Variants in ZNF791 observed in about 807,000 individuals in gnomAD.
ZNF791 encodes the protein zinc finger protein 791.
Under a neutral mutation model 11.5 loss-of-function variants are expected in ZNF791, and 4 were observed. The ratio of observed to expected loss-of-function variants is 0.35; its 90% CI spans 0.17 to 0.80. ZNF791 has a LOEUF of 0.80. Among genes scored for constraint, ZNF791 ranks in the 30% least tolerant of loss-of-function variants. The pLI is 0.53. For synonymous variants in ZNF791, 212 were observed against 228.1 expected (o/e 0.93, Z 0.64); for missense variants, 559 against 699.4 (o/e 0.80, Z 2.26).
At position 12,631,775 on chromosome 19, in the gene ZNF791, C is replaced by G. The variant is rs1214804772; in HGVS notation, c.*2515C>G. 2 of 152,088 alleles carry G rather than the reference C, an allele frequency of 1.3e-5. No individual in the cohort carries two copies. The highest frequency in any genetic ancestry group is 4.8e-5 in the African/African-American group (2 of 41,434). The allele number at this position is 152,088 out of a possible 1,614,324, so 9.4% of individuals were successfully genotyped here. ...AAAAATTTTTTATCACTGGCTCATT[C>G]TTCAAGTACATCTCTGGACTATGAA... On this transcript the variant is annotated 3_prime_UTR_variant, in exon 4 of 4. Coordinates refer to ENST00000343325, the MANE Select transcript of ZNF791 (RefSeq NM_153358.3).
chr19:12,619,650 T>C (rs1276268986), intron 1 of ZNF791, among the ~76,000 whole-genome samples: 2 of 151,308 alleles, frequency 1.3e-5, no homozygotes, highest in Non-Finnish European at 2.9e-5. Flanking sequence ...GGGGTTTCAC[T>C]GTGTTAGCCA....
chr19:12,611,634 C>G (rs190189496), intron 1 of ZNF791, among the ~76,000 whole-genome samples: 133 of 152,270 alleles, frequency 8.7e-4, no homozygotes, highest in African/African-American at 3.2e-3. Context: ...CAATAGATGC[C>G]TCTTTTAAAC....
chr19:12,629,067 GAC>G lies in ZNF791; in HGVS notation c.1542_1543del (p.Met515GlufsTer10). ...TTTATTTATCCCACAAGCTTTCAAG[GAC>G]ACATGAGAATGCATACTGGAGAGAA... is the stretch of plus-strand genomic sequence containing the variant. On this transcript the variant is annotated frameshift_variant, in exon 4 of 4. Coordinates refer to ENST00000343325, the MANE Select transcript of ZNF791 (RefSeq NM_153358.3). LOFTEE classifies it low-confidence loss of function (END_TRUNC). 6.2e-7 allele frequency: 1 copy of G among 1,606,496 alleles called. No homozygotes were observed. Among genetic ancestry groups the G allele is most frequent in the Non-Finnish European group, 8.5e-7 (1 of 1,176,646 alleles).
At chr19:12,625,784 CAAAA>C (rs781019678) in intron 3 of ZNF791, among the ~76,000 whole-genome samples, 2 of 81,842 alleles carry the variant, frequency 2.4e-5, no homozygotes, top group Non-Finnish European at 5.1e-5. Context: ...GACTCCATCT[CAAAA>C]AAAAAAAAAA....
At chr19:12,619,948 G>A (rs2023312304) in intron 1 of ZNF791, among the ~76,000 whole-genome samples, 1 of 150,654 alleles carries the variant, frequency 6.6e-6, no homozygotes, top group African/African-American at 2.4e-5. Context: ...TTTTGAGACG[G>A]AGTCTCGCTC....
chr19:12,629,156 A>G lies in ZNF791; in HGVS notation c.1627A>G (p.Thr543Ala). The G allele has an allele frequency of 1.3e-6, 2 of 1,597,630 alleles. No individual in the cohort carries two copies. The change falls in exon 4 of 4, where the codon ACA (threonine) becomes GCA (alanine). Residue 543 changes from threonine to alanine, a missense_variant. Physicochemically the swap from Thr to Ala is moderately conservative, Grantham distance 58 (BLOSUM62 0). Transcript: ENST00000343325. ...TCTTCACAGTTCCTTTCAAAGACAT[A>G]CAAGAATTCACAATTATGAGAAACC... ...FSLHSSFQRH[T>A]RIHNYEKPLE...
intron 2 of ZNF791, among the ~76,000 whole-genome samples, chr19:12,624,258 T>C (rs2145191201): frequency 6.7e-6 from 1 of 149,650 alleles, no homozygotes; most frequent in South Asian, 2.1e-4. Flanking sequence ...GTTCAAGCAA[T>C]TCTCCTGCCT....
rs1156944678 is a variant in ZNF791, at chr19:12,629,548, T to A, written c.*288T>A. On this transcript the variant is annotated 3_prime_UTR_variant, in exon 4 of 4. Coordinates refer to ENST00000343325, the MANE Select transcript of ZNF791 (RefSeq NM_153358.3). ...GTGCAGCACATTATTTAAGTGTTTA[T>A]GGTGCTGGTGTAAACGTGCTGCACT... 1 of 218,488 alleles carries A rather than the reference T, an allele frequency of 4.6e-6. No individual in the cohort carries two copies. The highest frequency in any genetic ancestry group is 1.6e-4 in the South Asian group (1 of 6,378). 13.5% of individuals were successfully genotyped at this position (218,488 alleles called of 1,614,324 possible).
At position 12,627,746 on chromosome 19, in the gene ZNF791, G is replaced by A; in HGVS notation, c.217G>A (p.Glu73Lys). The part of the protein sequence containing the change: ...LRSHTGERLC[E>K]GKEGSQCAEN... ...AAGCCATACGGGAGAGAGACTCTGT[G>A]AAGGTAAAGAAGGTAGTCAATGTGC... The change falls in exon 4 of 4, where the codon GAA becomes AAA. Residue 73 changes from glutamate to lysine, a missense_variant. Coordinates refer to ENST00000343325, the MANE Select transcript of ZNF791 (RefSeq NM_153358.3). 6.2e-7 allele frequency: 1 copy of A among 1,613,264 alleles called. No homozygotes were observed. Among genetic ancestry groups the A allele is most frequent in the South Asian group, 1.1e-5 (1 of 91,054 alleles).
At chr19:12,624,216 G>A (rs141942419) in intron 2 of ZNF791, among the ~76,000 whole-genome samples, 35 of 137,404 alleles carry the variant, frequency 2.5e-4, no homozygotes, top group African/African-American at 8.3e-4. Context: ...GCAGTGGCGG[G>A]ATCTTGGCTC....
chr19:12,625,182 A>G (rs1287298391), intron 3 of ZNF791, among the ~76,000 whole-genome samples: 136 of 151,582 alleles, frequency 9.0e-4, no homozygotes, highest in Non-Finnish European at 4.3e-4. Context: ...GTGCAGTGGC[A>G]TGGTCTTTGC....
chr19:12,625,432 T>A (rs1403758782), intron 3 of ZNF791, among the ~76,000 whole-genome samples: 2 of 151,952 alleles, frequency 1.3e-5, no homozygotes, highest in Admixed American at 6.6e-5. Context: ...TTATTTATTA[T>A]CAGAAAATGT....
In ZNF791 at chr19:12,632,906, T is replaced by C. The variant is rs1366509479; in HGVS notation, c.*3646T>C. On this transcript the variant is annotated 3_prime_UTR_variant, in exon 4 of 4. Transcript: ENST00000343325. ...GTCAGGAGATTGAGACCATCCTGGC[T>C]AATACAGTGAAACCCCGTCTCTACT... 1 of 151,994 alleles carries C rather than the reference T, an allele frequency of 6.6e-6. No individual in the cohort carries two copies. Among genetic ancestry groups the C allele is most frequent in the Non-Finnish European group, 1.5e-5 (1 of 68,014 alleles). The allele number at this position is 151,994 out of a possible 1,614,324, so 9.4% of individuals were successfully genotyped here. A position where few individuals can be genotyped will look rare whatever the true frequency, so the allele number is the denominator to read the frequency against.
At position 12,628,525 on chromosome 19, in the gene ZNF791, A is replaced by C; in HGVS notation, c.996A>C (p.Glu332Asp). ...GAGAGAAGCCCTATAAATGTAAAGA[A>C]TGTGGGAAATCTTTCAGTGCACGCC... is the stretch of plus-strand genomic sequence containing the variant. ...HTGEKPYKCK[E>D]CGKSFSARPA... Residue 332 changes from glutamate (E) to aspartate (D), a missense_variant, in exon 4 of 4, where the codon GAA becomes GAC. Glu to Asp is a conservative substitution (Grantham distance 45). Coordinates refer to ENST00000343325, the MANE Select transcript of ZNF791 (RefSeq NM_153358.3). The C allele has an allele frequency of 6.2e-7, 1 of 1,607,770 alleles. No homozygotes were observed.
At chr19:12,613,762 C>G (rs1362821393) in intron 1 of ZNF791, among the ~76,000 whole-genome samples, 2 of 152,066 alleles carry the variant, frequency 1.3e-5, no homozygotes, top group Non-Finnish European at 2.9e-5. Context: ...CCCTACAGGT[C>G]TGCCAGCTAC....
At chr19:12,617,737 C>T (rs1158925347) in intron 1 of ZNF791, among the ~76,000 whole-genome samples, 14 of 122,132 alleles carry the variant, frequency 1.1e-4, no homozygotes, top group African/African-American at 4.3e-4. Flanking sequence ...TTTGTCCTTT[C>T]TGATTTTCTA....
chr19:12,628,458 G>C lies in ZNF791; in HGVS notation c.929G>C (p.Arg310Thr). ...YKCKQCGKAF[R>T]CSTSIQIHER... ...TGTAAACAATGTGGTAAAGCCTTCA[G>C]ATGTTCCACCTCCATTCAAATTCAT... Residue 310 changes from arginine (R) to threonine (T), a missense_variant, in exon 4 of 4, where the codon AGA (arginine) becomes ACA (threonine). Transcript: ENST00000343325. The C allele has an allele frequency of 6.2e-7, 1 of 1,612,268 alleles. No individual in the cohort carries two copies. Among genetic ancestry groups the C allele is most frequent in the Non-Finnish European group, 8.5e-7 (1 of 1,179,086 alleles).
chr19:12,616,728 T>TTAGATAC (rs1308160750), intron 1 of ZNF791, among the ~76,000 whole-genome samples: 1 of 152,186 alleles, frequency 6.6e-6, no homozygotes, highest in Non-Finnish European at 1.5e-5. Flanking sequence ...TTTGGATATT[T>TTAGATAC]TAGATACTAG....
chr19:12,624,773 G>A, intron 3 of ZNF791, 63 bp downstream of exon 3: 1 of 1,331,902 alleles, frequency 7.5e-7, no homozygotes, highest in Non-Finnish European at 1.0e-6. Context: ...GTTATGGCCG[G>A]GCACGGTGGC....
Sources: allele counts gnomAD v4.1 joint callset (sites outside exome capture counted in the v4.1 genomes callset), GRCh38; gene constraint gnomAD v4.1.1; transcripts MANE v1.5; gene names NCBI Gene and HGNC (gene_info 2026-07-23, HGNC 2026-07-21).